The following TIAM1 variants were observed in gnomAD, a reference collection of about 807,000 sequenced individuals.
The protein encoded by TIAM1 is TIAM Rac1 associated GEF 1, also known as rho guanine nucleotide exchange factor TIAM1.
TIAM1 carries 65 observed loss-of-function variants against 163.5 expected under a neutral mutation model. That is an observed-to-expected ratio of 0.40 (90% CI 0.33 to 0.49). TIAM1 has a LOEUF of 0.49. TIAM1 is among the 20% of genes least tolerant of loss of function. TIAM1 has a pLI of 0.77. For missense variants in TIAM1, 1,789 were observed against 2,044.7 expected (o/e 0.87, Z 2.41); for synonymous variants, 833 against 810.1 (o/e 1.03, Z -0.48).
At chr21:31,192,494 G>A (rs893634517) in intron 13 of TIAM1, among the ~76,000 whole-genome samples, 6 of 152,078 alleles carry the variant, frequency 3.9e-5, no homozygotes, top group Non-Finnish European at 7.4e-5. Context: ...GCACACGCCT[G>A]TAATCCCAGC....
chr21:31,155,543 C>T lies in TIAM1; in HGVS notation c.2992-1117G>A, dbSNP rs202196601. Among the ~76,000 whole-genome samples, 35 of 151,934 alleles carry T rather than the reference C, an allele frequency of 2.3e-4. No homozygotes were observed. The East Asian group carries it at 5.8e-3, about 25-fold the overall frequency. ...TTTTTGAGACGGAGTCTCGCTCTGT[C>T]ACCCAGGCTGGAGTGCAGTGGTGCG... On this transcript the variant is annotated intron_variant, in intron 16 of 27. Transcript: ENST00000541036.
intron 2 of TIAM1, among the ~76,000 whole-genome samples, chr21:31,413,944 A>C (rs1287492601): frequency 6.6e-6 from 1 of 152,224 alleles, no homozygotes; most frequent in East Asian, 1.9e-4. Flanking sequence ...TCTGGAAAGC[A>C]GCAGAGCAAC....
At position 31,310,150 on chromosome 21, in the gene TIAM1, G is replaced by A. The variant is rs146486880; in HGVS notation, c.-189+29093C>T. 6.8e-3 allele frequency among the ~76,000 whole-genome samples: 1,037 copies of A among 152,298 alleles called. 12 individuals are homozygous for A. The highest frequency in any genetic ancestry group is 0.017 in the Middle Eastern group (5 of 294). On this transcript the variant is annotated intron_variant, in intron 2 of 27. Coordinates refer to ENST00000541036, the MANE Select transcript of TIAM1 (RefSeq NM_001353694.2). Reference sequence around the variant, plus strand: ...CATCACAGCTATGTGGGGGCCACACGCCTGAGTTCAGGCCAGTGAAATGTG... The same window carrying A: ...CATCACAGCTATGTGGGGGCCACACACCTGAGTTCAGGCCAGTGAAATGTG...
At chr21:31,541,802 A>G (rs1310493279) in intron 1 of TIAM1, among the ~76,000 whole-genome samples, 1 of 152,246 alleles carries the variant, frequency 6.6e-6, no homozygotes, top group Admixed American at 6.5e-5. Flanking sequence ...TCTCCTTTTA[A>G]ATGCATTTTA....
At chr21:31,352,904 A>G (rs2076258146) in intron 2 of TIAM1, among the ~76,000 whole-genome samples, 2 of 151,970 alleles carry the variant, frequency 1.3e-5, no homozygotes, top group East Asian at 1.9e-4. Context: ...GCTGCTAAAA[A>G]CAAAAGTAAT....
chr21:31,147,056 T>A (rs1031060409), intron 19 of TIAM1, 53 bp from the exon 20 acceptor site: 2 of 1,501,922 alleles, frequency 1.3e-6, no homozygotes, highest in African/African-American at 2.8e-5. Context: ...CCACTGGAAA[T>A]ATCAGCAGGT....
At chr21:31,334,004 C>G (rs543106016) in intron 2 of TIAM1, among the ~76,000 whole-genome samples, 1 of 152,270 alleles carries the variant, frequency 6.6e-6, no homozygotes, top group Admixed American at 6.5e-5. Flanking sequence ...TCTGCAAATA[C>G]ATTAGAAAGA....
intron 19 of TIAM1, among the ~76,000 whole-genome samples, chr21:31,148,004 CAAAAAAAAAAAAA>C (rs34410316): frequency 6.3e-5 from 4 of 63,792 alleles, no homozygotes; most frequent in Admixed American, 2.4e-4. Context: ...TGTCCATGAC[CAAAAAAAAAAAAA>C]AAAAAAAAAA....
At chr21:31,556,593 G>A (rs2048887549) in intron 1 of TIAM1, among the ~76,000 whole-genome samples, 1 of 148,462 alleles carries the variant, frequency 6.7e-6, no homozygotes, top group Non-Finnish European at 1.5e-5. Context: ...ATCTGATTAT[G>A]GACTGTTATT....
intron 15 of TIAM1, among the ~76,000 whole-genome samples, chr21:31,175,969 A>G (rs2084745662): frequency 6.6e-6 from 1 of 152,210 alleles, no homozygotes; most frequent in African/African-American, 2.4e-5. Flanking sequence ...TGTTCCCTGC[A>G]ACATTTCCCT....
chr21:31,434,969 G>A (rs955108506), intron 2 of TIAM1, among the ~76,000 whole-genome samples: 3 of 152,212 alleles, frequency 2.0e-5, no homozygotes, highest in African/African-American at 7.2e-5. Context: ...AAAGTCTCAG[G>A]CAGCATGTAT....
intron 1 of TIAM1, among the ~76,000 whole-genome samples, chr21:31,545,005 T>G (rs751990169): frequency 2.7e-5 from 4 of 149,072 alleles, no homozygotes; most frequent in African/African-American, 5.2e-5. Context: ...AGAGTGAGAC[T>G]CCGTCTCAAA....
intron 2 of TIAM1, among the ~76,000 whole-genome samples, chr21:31,352,692 A>C (rs2147119523): frequency 6.6e-6 from 1 of 151,828 alleles, no homozygotes; most frequent in Middle Eastern, 3.4e-3. Context: ...TCTCTACTTA[A>C]AAATAAATAG....
chr21:31,197,539 C>CTTTTTTTTTTTTTTTTTTTT (rs58141765), intron 12 of TIAM1, among the ~76,000 whole-genome samples: 48 of 123,218 alleles, frequency 3.9e-4, no homozygotes, highest in African/African-American at 1.4e-3. Flanking sequence ...CCGCGCCCGG[C>CTTTTTTTTTTTTTTTTTTTT]TTTTTTTTTT....
At chr21:31,225,674 C>T (rs2087914310) in intron 7 of TIAM1, 52 bp downstream of exon 7, 9 of 1,484,712 alleles carry the variant, frequency 6.1e-6, no homozygotes, top group South Asian at 1.2e-5. Flanking sequence ...AAAAAAAACC[C>T]TTTTAGAGAC....
chr21:31,453,002 CA>C (rs2044928798), intron 2 of TIAM1: 16 of 489,302 alleles, frequency 3.3e-5, no homozygotes, highest in South Asian at 2.6e-4. Flanking sequence ...ACAGAACGGT[CA>C]AAGTGGGAGA....
chr21:31,531,282 T>C lies in TIAM1; in HGVS notation c.-422+27645A>G, dbSNP rs554605689. Among the ~76,000 whole-genome samples the C allele has an allele frequency of 2.6e-4, 39 of 152,256 alleles. 1 individual carries two copies. Among genetic ancestry groups the C allele is most frequent in the Admixed American group, 6.5e-4 (10 of 15,304 alleles). ...ATCGGCTCCCCAGTGAAAAACAGTG[T>C]TTGCTCAGCTCCAACTGTAGGGTTG... On this transcript the variant is annotated intron_variant, in intron 1 of 28. Coordinates refer to the TIAM1 transcript ENST00000286827.
At chr21:31,471,706 C>A in intron 1 of TIAM1, among the ~76,000 whole-genome samples, 1 of 151,976 alleles carries the variant, frequency 6.6e-6, no homozygotes, top group African/African-American at 2.4e-5. Context: ...CCTATCTCTA[C>A]TAAAAATACA....
intron 2 of TIAM1, among the ~76,000 whole-genome samples, chr21:31,371,338 C>T (rs1372051414): frequency 1.3e-5 from 2 of 152,150 alleles, no homozygotes; most frequent in Admixed American, 1.3e-4. Context: ...AGGAAGGGGG[C>T]TAAGAGCTCA....
Sources: gnomAD v4.1 joint callset for allele counts (sites outside exome capture counted in the v4.1 genomes callset) on GRCh38, gnomAD v4.1.1 for gene constraint, MANE v1.5 for transcripts, NCBI Gene and HGNC (gene_info 2026-07-23, HGNC 2026-07-21) for gene names.